Variants in CEP89 observed in about 807,000 individuals in gnomAD.
The protein encoded by CEP89 is centrosomal protein 89.
A neutral mutation model predicts 97.6 loss-of-function variants in CEP89; 95 were observed. That is an observed-to-expected ratio of 0.97 (90% confidence interval 0.82 to 1.15). The LOEUF is 1.15. CEP89 is among the 50% of genes most tolerant of loss of function. The probability of loss-of-function intolerance (pLI) is 0.00; values close to 1 mark genes in which losing one functional copy is unlikely to be tolerated. For synonymous variants in CEP89, 354 were observed against 349.1 expected, an observed-to-expected ratio of 1.01 and a Z score of -0.16; for missense variants, 869 against 947.7, an observed-to-expected ratio of 0.92 and a Z score of 1.09.
At chr19:32,918,813 A>C (rs1259065813) in intron 12 of CEP89, among the ~76,000 whole-genome samples, 3 of 152,110 alleles carry the variant, frequency 2.0e-5, no homozygotes, top group Non-Finnish European at 2.9e-5. Context: ...AACAAAACAA[A>C]AAAACAAAAA....
intron 14 of CEP89, among the ~76,000 whole-genome samples, chr19:32,911,898 T>G (rs1248368748): frequency 6.6e-6 from 1 of 152,110 alleles, no homozygotes; most frequent in Admixed American, 6.6e-5. Flanking sequence ...TATTTCCCCC[T>G]TATTACAAAA....
chr19:32,900,773 A>G (rs916596966), intron 15 of CEP89, among the ~76,000 whole-genome samples: 33 of 152,230 alleles, frequency 2.2e-4, no homozygotes, highest in Non-Finnish European at 4.3e-4. Flanking sequence ...GGTTAACAGC[A>G]ACAATACTTA....
At chr19:32,952,708 AG>A (rs1410488900) in intron 4 of CEP89, among the ~76,000 whole-genome samples, 2 of 151,858 alleles carry the variant, frequency 1.3e-5, no homozygotes, top group Admixed American at 1.3e-4. Flanking sequence ...GTTCAAGACC[AG>A]CCTAGGCAAC....
At chr19:32,959,172 A>AC in intron 3 of CEP89, among the ~76,000 whole-genome samples, 1 of 151,702 alleles carries the variant, frequency 6.6e-6, no homozygotes, top group Middle Eastern at 3.4e-3. Flanking sequence ...TAAACAGGAC[A>AC]CCAAAGGCAC....
chr19:32,915,587 G>C (rs35219657), intron 13 of CEP89, 70 bp from the exon 14 acceptor site: 282,325 of 1,335,946 alleles, frequency 0.21, 32,355 homozygotes, highest in East Asian at 0.54. Flanking sequence ...TGGGCTATTA[G>C]GAAATACTAA....
chr19:32,892,657 T>C (rs1969555724), intron 16 of CEP89, among the ~76,000 whole-genome samples: 1 of 141,228 alleles, frequency 7.1e-6, no homozygotes, highest in South Asian at 2.3e-4. Context: ...AATGAGACGA[T>C]ATATTCAAAG....
rs193001322 is a variant in CEP89 at position 32,949,558 on chromosome 19, A to T, written c.493-1190T>A. 2.5e-3 allele frequency among the ~76,000 whole-genome samples: 383 copies of T among 152,002 alleles called. 1 individual carries two copies. The highest frequency in any genetic ancestry group is 7.7e-3 in the African/African-American group (320 of 41,426). ...GACACCAAGCCCAGCTAATTTTTAA[A>T]TTTTTTGTAGAGATGGGGTCTCAGT... On this transcript the variant is annotated intron_variant, in intron 4 of 18. Coordinates refer to ENST00000305768, the MANE Select transcript of CEP89 (RefSeq NM_032816.5).
intron 7 of CEP89, 83 bp downstream of exon 7, chr19:32,937,548 T>C (rs1568569964): frequency 1.8e-6 from 2 of 1,131,956 alleles, no homozygotes; most frequent in Non-Finnish European, 2.7e-6. Flanking sequence ...AAAGAAAATG[T>C]AATCTTTATT....
At chr19:32,926,796 A>T (rs1389960417) in intron 10 of CEP89, 138 bp downstream of exon 10, 3 of 705,606 alleles carry the variant, frequency 4.3e-6, no homozygotes, top group Non-Finnish European at 7.4e-6. Flanking sequence ...CCTTGACCTC[A>T]ACTGATCCAC....
At chr19:32,952,157 C>T (rs1970933391) in intron 4 of CEP89, among the ~76,000 whole-genome samples, 1 of 151,988 alleles carries the variant, frequency 6.6e-6, no homozygotes, top group African/African-American at 2.4e-5. Flanking sequence ...CATAAGGATC[C>T]CTCAAAATAA....
chr19:32,948,918 A>C (rs925658009), intron 4 of CEP89, among the ~76,000 whole-genome samples: 1 of 151,912 alleles, frequency 6.6e-6, no homozygotes, highest in African/African-American at 2.4e-5. Context: ...TGTAGAGACA[A>C]GGTCTCCTTA....
chr19:32,907,378 A>G (rs188714357), intron 14 of CEP89, among the ~76,000 whole-genome samples: 174 of 152,194 alleles, frequency 1.1e-3, no homozygotes, highest in African/African-American at 4.1e-3. Flanking sequence ...GAAGAGAATA[A>G]AGATAACACA....
chr19:32,939,533 C>T (rs1230308721), intron 6 of CEP89, among the ~76,000 whole-genome samples: 3 of 151,642 alleles, frequency 2.0e-5, no homozygotes, highest in Non-Finnish European at 2.9e-5. Flanking sequence ...AACAAATTAG[C>T]TGGGTGTGGT....
chr19:32,921,376 A>C lies in CEP89; in HGVS notation c.1268+2063T>G, dbSNP rs536767543. On this transcript the variant is annotated intron_variant, in intron 12 of 18. Coordinates refer to ENST00000305768, the MANE Select transcript of CEP89 (RefSeq NM_032816.5). ...AAGTGTGATGCTCCAGAGCCCAGAG[A>C]CCCTCCTGCAGCTGGAGGGCAGTGA... Among the ~76,000 whole-genome samples the C allele has an allele frequency of 2.0e-5, 3 of 151,976 alleles. No individual in the cohort carries two copies. In the South Asian group the frequency reaches 6.2e-4, roughly 32 times the overall value.
At chr19:32,926,657 G>A (rs1344081072) in intron 10 of CEP89, among the ~76,000 whole-genome samples, 3 of 152,094 alleles carry the variant, frequency 2.0e-5, no homozygotes, top group African/African-American at 7.2e-5. Context: ...AACCTCCCGG[G>A]TTCAAGCGAT....
At chr19:32,900,778 T>C (rs16967545) in intron 15 of CEP89, among the ~76,000 whole-genome samples, 32,028 of 152,092 alleles carry the variant, frequency 0.21, 3,555 homozygotes, top group Admixed American at 0.32. Context: ...ACAGCAACAA[T>C]ACTTATTATA....
At chr19:32,965,385 A>AGCAAG (rs1971259180) in intron 2 of CEP89, among the ~76,000 whole-genome samples, 1 of 151,620 alleles carries the variant, frequency 6.6e-6, no homozygotes, top group African/African-American at 2.4e-5. Flanking sequence ...TGGGCAACAG[A>AGCAAG]ATGAGACCAT....
At chr19:32,952,716 C>CT (rs1313699055) in intron 4 of CEP89, among the ~76,000 whole-genome samples, 2 of 151,406 alleles carry the variant, frequency 1.3e-5, no homozygotes, top group Admixed American at 1.3e-4. Context: ...CCAGCCTAGG[C>CT]AACATGGAGA....
chr19:32,899,940 C>T lies in CEP89; in HGVS notation c.1792G>A (p.Glu598Lys), dbSNP rs746132249. ...GCCAGGTACTGATGAGCAGACATTTCGTTCCCCATGGCTTTTTCCACCTGC... is the reference window on the plus strand; with the variant it reads ...GCCAGGTACTGATGAGCAGACATTTTGTTCCCCATGGCTTTTTCCACCTGC... ...KKQVEKAMGNEMSAHQYLANL... is the reference protein window; with the variant it reads ...KKQVEKAMGNKMSAHQYLANL... Residue 598 changes from glutamate to lysine, a missense_variant, in exon 16 of 19, where the codon GAA (glutamate) becomes AAA (lysine). Transcript: ENST00000305768. 10 of 1,614,062 alleles carry T rather than the reference C, an allele frequency of 6.2e-6. No individual in the cohort carries two copies. Among genetic ancestry groups the T allele is most frequent in the Admixed American group, 3.3e-5 (2 of 60,022 alleles).
Sources: gnomAD v4.1 joint callset for allele counts (sites outside exome capture counted in the v4.1 genomes callset) on GRCh38, gnomAD v4.1.1 for gene constraint, MANE v1.5 for transcripts, NCBI Gene and HGNC (gene_info 2026-07-23, HGNC 2026-07-21) for gene names.